CAMTA1: variants seen among roughly 807,000 people sequenced by gnomAD.
CAMTA1 encodes the protein calmodulin-binding transcription activator 1.
In CAMTA1, 27 loss-of-function variants were observed where a neutral mutation model predicts 170.9. That is an observed-to-expected ratio of 0.16 (90% CI 0.12 to 0.22). The LOEUF (loss-of-function observed/expected upper bound fraction) is 0.22, where lower values mean the gene tolerates loss of function less well. Among genes scored for constraint, CAMTA1 ranks in the 10% least tolerant of loss-of-function variants. CAMTA1 has a pLI of 1.00. For missense variants in CAMTA1, 1,619 were observed against 2,217.2 expected, an observed-to-expected ratio of 0.73 and a Z score of 5.42; for synonymous variants, 833 against 891.5, an observed-to-expected ratio of 0.93 and a Z score of 1.17.
chr1:7,461,248 C>T (rs1209761938), intron 5 of CAMTA1, among the ~76,000 whole-genome samples: 2 of 152,152 alleles, frequency 1.3e-5, no homozygotes, highest in East Asian at 1.9e-4. Flanking sequence ...TTCAAGCATA[C>T]GGACTCCCCA....
At chr1:7,118,164 GA>G (rs1644443319) in intron 4 of CAMTA1, among the ~76,000 whole-genome samples, 1 of 152,188 alleles carries the variant, frequency 6.6e-6, no homozygotes, top group African/African-American at 2.4e-5. Context: ...TGATTGCTGG[GA>G]AAATAGTTTC....
intron 5 of CAMTA1, among the ~76,000 whole-genome samples, chr1:7,330,465 C>A (rs2082959624): frequency 6.6e-6 from 1 of 152,150 alleles, no homozygotes; most frequent in Non-Finnish European, 1.5e-5. Flanking sequence ...TGTACGCCCC[C>A]TTCTGAGGAT....
rs2095756840 is a variant in CAMTA1, at chr1:7,641,091, T to C, written c.664+538T>C. ...GGTGCTTTCTGAAGCATCTGTCAGG[T>C]GCAAATCACAGAATGCAAAACACCG... On this transcript the variant is annotated intron_variant, in intron 7 of 22. Transcript: ENST00000303635. The surrounding 1 kb of genome is among the most constrained non-coding windows in gnomAD (Gnocchi z 4.5). Among the ~76,000 whole-genome samples, 1 of 152,144 alleles carries C rather than the reference T, an allele frequency of 6.6e-6. No homozygotes were observed. Among genetic ancestry groups the C allele is most frequent in the African/African-American group, 2.4e-5 (1 of 41,430 alleles).
intron 9 of CAMTA1, among the ~76,000 whole-genome samples, chr1:7,668,562 C>A (rs77334753): frequency 0.044 from 6,716 of 152,132 alleles, 536 homozygotes; most frequent in East Asian, 0.26. Context: ...CCCCAAAACC[C>A]TCCTGCGTCA....
At chr1:7,262,511 G>A (rs1668324986) in intron 5 of CAMTA1, among the ~76,000 whole-genome samples, 1 of 152,176 alleles carries the variant, frequency 6.6e-6, no homozygotes, top group South Asian at 2.1e-4. Flanking sequence ...GCAGTGAGCC[G>A]AGATCACGCT....
At chr1:6,786,620 A>G (rs1639465701) in intron 1 of CAMTA1, among the ~76,000 whole-genome samples, 1 of 152,166 alleles carries the variant, frequency 6.6e-6, no homozygotes, top group Non-Finnish European at 1.5e-5. Context: ...CTTCTTCCAG[A>G]TCATGCATAC....
chr1:6,954,772 G>T (rs891589193), intron 3 of CAMTA1, among the ~76,000 whole-genome samples: 1 of 152,108 alleles, frequency 6.6e-6, no homozygotes, highest in Non-Finnish European at 1.5e-5. Flanking sequence ...TGGGAGCCAC[G>T]CAGGCAGGCA....
Position 7,766,499 on chromosome 1 carries a change from C to A in CAMTA1, c.*8C>A. ...AAAGGCCAAGGAACTTGAAGACATA[C>A]AGCAGCATCCCTTAGCAATGTGACA... On this transcript the variant is annotated 3_prime_UTR_variant, in exon 23 of 23. Coordinates refer to ENST00000303635, the MANE Select transcript of CAMTA1 (RefSeq NM_015215.4). 1 of 1,613,598 alleles carries A rather than the reference C, an allele frequency of 6.2e-7. No homozygotes were observed. The highest frequency in any genetic ancestry group is 8.5e-7 in the Non-Finnish European group (1 of 1,179,518).
intron 6 of CAMTA1, among the ~76,000 whole-genome samples, chr1:7,535,648 G>T (rs1396725344): frequency 6.6e-6 from 1 of 152,194 alleles, no homozygotes; most frequent in East Asian, 1.9e-4. Context: ...TGTCACTGAT[G>T]CAAACACAGG....
At chr1:7,385,251 G>A (rs1451541938) in intron 5 of CAMTA1, among the ~76,000 whole-genome samples, 11 of 152,002 alleles carry the variant, frequency 7.2e-5, no homozygotes, top group Middle Eastern at 3.4e-3. Flanking sequence ...CACCACTCCC[G>A]GCTAAGTTTT....
rs1157870009 is a variant in CAMTA1 at position 7,682,617 on chromosome 1, C to T, written c.2914+4884C>T. Reference sequence around the variant, plus strand: ...TAGTACCAGCCTCCACCCACCAGAGCTGGGAGATCACACACTGTCCCAGAG... The same window carrying T: ...TAGTACCAGCCTCCACCCACCAGAGTTGGGAGATCACACACTGTCCCAGAG... On this transcript the variant is annotated intron_variant, in intron 11 of 22. Coordinates refer to ENST00000303635, the MANE Select transcript of CAMTA1 (RefSeq NM_015215.4). This position sits in a 1 kb window ranked among gnomAD's most constrained non-coding sequence, Gnocchi z 5.0. 6.6e-6 allele frequency among the ~76,000 whole-genome samples: 1 copy of T among 152,212 alleles called. No homozygotes were observed. The highest frequency in any genetic ancestry group is 1.5e-5 in the Non-Finnish European group (1 of 68,038).
chr1:7,703,305 G>T (rs1225387299), intron 11 of CAMTA1, among the ~76,000 whole-genome samples: 1 of 152,080 alleles, frequency 6.6e-6, no homozygotes, highest in African/African-American at 2.4e-5. Context: ...GTGGTGACCC[G>T]GGGGGCGGGC....
chr1:7,015,169 T>C (rs1700350959), intron 3 of CAMTA1, among the ~76,000 whole-genome samples: 1 of 152,214 alleles, frequency 6.6e-6, no homozygotes, highest in Non-Finnish European at 1.5e-5. Context: ...TCTCACCTGC[T>C]GTCCTGGTGA....
chr1:6,821,732 TCA>T (rs1162132108), intron 2 of CAMTA1, among the ~76,000 whole-genome samples: 1 of 152,138 alleles, frequency 6.6e-6, no homozygotes, highest in East Asian at 1.9e-4. Flanking sequence ...TTGGCAGAAG[TCA>T]CAGAATTTTC....
chr1:7,340,996 G>A (rs2083788982), intron 5 of CAMTA1, among the ~76,000 whole-genome samples: 1 of 152,222 alleles, frequency 6.6e-6, no homozygotes, highest in Non-Finnish European at 1.5e-5. Flanking sequence ...AGCCTGGGCT[G>A]GCCAGGGTGC....
chr1:6,937,128 T>C (rs1246919052), intron 3 of CAMTA1, among the ~76,000 whole-genome samples: 1 of 151,038 alleles, frequency 6.6e-6, no homozygotes, highest in African/African-American at 2.4e-5. Flanking sequence ...ATTCACCATT[T>C]ACCACCACCA....
At chr1:6,881,860 G>A (rs1230107871) in intron 3 of CAMTA1, among the ~76,000 whole-genome samples, 1 of 152,152 alleles carries the variant, frequency 6.6e-6, no homozygotes, top group African/African-American at 2.4e-5. Context: ...TCAGCTATAC[G>A]GGAGGCTGAG....
At chr1:6,842,710 T>C (rs768473493) in intron 3 of CAMTA1, among the ~76,000 whole-genome samples, 2 of 152,064 alleles carry the variant, frequency 1.3e-5, no homozygotes, top group African/African-American at 2.4e-5. Context: ...TCACCTGAGG[T>C]CAGGAGTTCG....
intron 5 of CAMTA1, among the ~76,000 whole-genome samples, chr1:7,418,895 T>C (rs554996959): frequency 8.8e-4 from 134 of 152,246 alleles, no homozygotes; most frequent in Non-Finnish European, 1.4e-3. Flanking sequence ...CATAGCCACC[T>C]CCACCCCAGG....
Sources: allele counts gnomAD v4.1 joint callset (sites outside exome capture counted in the v4.1 genomes callset), GRCh38; gene constraint gnomAD v4.1.1; non-coding constraint Gnocchi (gnomAD v3.1); transcripts MANE v1.5; gene names NCBI Gene and HGNC (gene_info 2026-07-23, HGNC 2026-07-21).